The following MAGI1 variants were observed in gnomAD, a reference collection of about 807,000 sequenced individuals.
The protein encoded by MAGI1 is membrane-associated guanylate kinase, WW and PDZ domain-containing protein 1.
MAGI1 carries 58 observed loss-of-function variants against 139.9 expected under a neutral mutation model. The ratio of observed to expected loss-of-function variants is 0.41; its 90% CI spans 0.34 to 0.52. MAGI1 has a LOEUF of 0.52. MAGI1 is among the 20% of genes least tolerant of loss of function. The pLI is 0.12. For synonymous variants in MAGI1, 812 were observed against 737.9 expected, an observed-to-expected ratio of 1.10 and a Z score of -1.63; for missense variants, 1,874 against 1,901.6, an observed-to-expected ratio of 0.99 and a Z score of 0.27.
intron 3 of MAGI1, among the ~76,000 whole-genome samples, chr3:65,488,753 C>T (rs1951791360): frequency 6.6e-6 from 1 of 152,158 alleles, no homozygotes; most frequent in Non-Finnish European, 1.5e-5. Context: ...TCACTGCAGC[C>T]TCGAACTTCC....
chr3:65,820,412 G>A (rs150099546), intron 1 of MAGI1, among the ~76,000 whole-genome samples: 1 of 152,224 alleles, frequency 6.6e-6, no homozygotes, highest in East Asian at 1.9e-4. Flanking sequence ...TGGGCAGTGT[G>A]ATCCTCCATG....
intron 1 of MAGI1, among the ~76,000 whole-genome samples, chr3:65,950,716 C>T (rs2063796770): frequency 6.6e-6 from 1 of 152,164 alleles, no homozygotes; most frequent in Non-Finnish European, 1.5e-5. Flanking sequence ...CTACCCCCCA[C>T]TGGTCGGCAA....
At chr3:65,468,479 G>C (rs1950327684) in intron 5 of MAGI1, among the ~76,000 whole-genome samples, 1 of 139,598 alleles carries the variant, frequency 7.2e-6, no homozygotes, top group African/African-American at 2.7e-5. Flanking sequence ...AGGTTCAAGT[G>C]ATACTCTTGC....
intron 1 of MAGI1, among the ~76,000 whole-genome samples, chr3:65,958,961 T>G (rs980162013): frequency 1.3e-5 from 2 of 151,320 alleles, no homozygotes; most frequent in Non-Finnish European, 2.9e-5. Context: ...CACTCCAGCT[T>G]GGCCAACTGA....
intron 1 of MAGI1, among the ~76,000 whole-genome samples, chr3:65,784,945 G>C (rs1042150741): frequency 6.6e-6 from 1 of 152,166 alleles, no homozygotes; most frequent in Non-Finnish European, 1.5e-5. Context: ...TAGGGCTTGA[G>C]AGGGTGGCGG....
chr3:65,742,069 G>C (rs1219836411), intron 1 of MAGI1, among the ~76,000 whole-genome samples: 1 of 152,058 alleles, frequency 6.6e-6, no homozygotes, highest in African/African-American at 2.4e-5. Context: ...CACTCGCATG[G>C]GGATATGATA....
chr3:65,891,902 A>ATATATATATG (rs2060776336), intron 1 of MAGI1, among the ~76,000 whole-genome samples: 1 of 56,040 alleles, frequency 1.8e-5, no homozygotes, highest in African/African-American at 8.9e-5. Context: ...ATATATATAT[A>ATATATATATG]TATATATATA....
At chr3:65,840,952 T>C (rs1201890803) in intron 1 of MAGI1, among the ~76,000 whole-genome samples, 1 of 152,194 alleles carries the variant, frequency 6.6e-6, no homozygotes, top group Non-Finnish European at 1.5e-5. Context: ...CAAATTCAAT[T>C]TCCTTAAAAA....
At chr3:65,904,091 C>G (rs922909014) in intron 1 of MAGI1, among the ~76,000 whole-genome samples, 4 of 152,120 alleles carry the variant, frequency 2.6e-5, no homozygotes, top group African/African-American at 9.7e-5. Context: ...GCACAGACTA[C>G]TTAATCTTTG....
At chr3:65,404,201 C>T (rs1172709269) in intron 12 of MAGI1, among the ~76,000 whole-genome samples, 1 of 152,146 alleles carries the variant, frequency 6.6e-6, no homozygotes, top group Non-Finnish European at 1.5e-5. Flanking sequence ...CCAGCATTTT[C>T]ACATATCACT....
intron 1 of MAGI1, among the ~76,000 whole-genome samples, chr3:65,858,590 G>A (rs1384733652): frequency 6.6e-6 from 1 of 152,152 alleles, no homozygotes; most frequent in East Asian, 1.9e-4. Context: ...TAAATCTGTT[G>A]TACTCTTTAT....
At chr3:65,453,833 A>G (rs548431114) in intron 5 of MAGI1, among the ~76,000 whole-genome samples, 7 of 152,322 alleles carry the variant, frequency 4.6e-5, no homozygotes, top group Non-Finnish European at 1.0e-4. Flanking sequence ...ACTCAAAACT[A>G]CCAATACACA....
chr3:65,361,051 C>A, intron 22 of MAGI1, 148 bp downstream of exon 22: 2 of 1,532,632 alleles, frequency 1.3e-6, no homozygotes, highest in East Asian at 2.3e-5. Context: ...GATTTCAGAA[C>A]AAGCGAGGCA....
At chr3:65,948,884 CA>C (rs981909506) in intron 1 of MAGI1, among the ~76,000 whole-genome samples, 3 of 152,176 alleles carry the variant, frequency 2.0e-5, no homozygotes, top group Non-Finnish European at 4.4e-5. Context: ...ATGAATTATG[CA>C]GTTCAATTTT....
chr3:65,722,288 G>T (rs2033125761), intron 1 of MAGI1, among the ~76,000 whole-genome samples: 1 of 152,118 alleles, frequency 6.6e-6, no homozygotes, highest in Non-Finnish European at 1.5e-5. Context: ...ATGACCTAGT[G>T]AATGGGAAAA....
chr3:65,771,526 C>G (rs1435403631), intron 1 of MAGI1, among the ~76,000 whole-genome samples: 2 of 152,080 alleles, frequency 1.3e-5, no homozygotes, highest in African/African-American at 4.8e-5. Context: ...TATAAAAGCA[C>G]AACCACAGTT....
chr3:65,774,679 A>T (rs2038223732), intron 1 of MAGI1, among the ~76,000 whole-genome samples: 2 of 152,142 alleles, frequency 1.3e-5, no homozygotes, highest in Non-Finnish European at 2.9e-5. Context: ...GCATACACAA[A>T]ATGTTTTCCT....
intron 1 of MAGI1, among the ~76,000 whole-genome samples, chr3:65,661,014 A>C (rs910261524): frequency 6.6e-6 from 1 of 152,220 alleles, no homozygotes; most frequent in African/African-American, 2.4e-5. Context: ...GATGAATACT[A>C]ATTTTCTAAA....
chr3:65,913,243 AAC>A (rs1472984243), intron 1 of MAGI1, among the ~76,000 whole-genome samples: 2 of 152,174 alleles, frequency 1.3e-5, no homozygotes, highest in African/African-American at 4.8e-5. Context: ...CAGCCTGAGC[AAC>A]AGAGCAAGAC....
Sources: gnomAD v4.1 joint callset for allele counts (sites outside exome capture counted in the v4.1 genomes callset) on GRCh38, gnomAD v4.1.1 for gene constraint, MANE v1.5 for transcripts, NCBI Gene and HGNC (gene_info 2026-07-23, HGNC 2026-07-21) for gene names.